Variants in NFASC observed in about 807,000 individuals in gnomAD.
NFASC encodes neurofascin.
NFASC carries 43 observed loss-of-function variants against 147.5 expected under a neutral mutation model. The observed-to-expected ratio is 0.29, with a 90% confidence interval of 0.23 to 0.38. The LOEUF (loss-of-function observed/expected upper bound fraction) is 0.38, where lower values mean the gene tolerates loss of function less well. Ranked by LOEUF, NFASC falls within the 10% of genes least tolerant of loss-of-function variation. The probability of loss-of-function intolerance (pLI) is 1.00; values close to 1 mark genes in which losing one functional copy is unlikely to be tolerated. For missense variants in NFASC, 1,320 were observed against 1,689.0 expected, an observed-to-expected ratio of 0.78 and a Z score of 3.83; for synonymous variants, 622 against 665.5, an observed-to-expected ratio of 0.93 and a Z score of 1.01.
intron 1 of NFASC, among the ~76,000 whole-genome samples, chr1:204,911,762 T>G (rs2087572515): frequency 6.6e-6 from 1 of 152,126 alleles, no homozygotes. Context: ...GGCCTGAAGG[T>G]TTCCTTTTTT....
At chr1:204,895,482 A>G (rs904747327) in intron 1 of NFASC, among the ~76,000 whole-genome samples, 2 of 152,216 alleles carry the variant, frequency 1.3e-5, no homozygotes, top group African/African-American at 4.8e-5. Context: ...ACTACTGCCT[A>G]ATAGAGGATG....
At chr1:204,898,690 T>A (rs1215169741) in intron 1 of NFASC, among the ~76,000 whole-genome samples, 1 of 152,190 alleles carries the variant, frequency 6.6e-6, no homozygotes, top group Non-Finnish European at 1.5e-5. Context: ...AGAGACCCAG[T>A]GCAGCCTCGT....
In NFASC at chr1:204,979,183, G is replaced by C; in HGVS notation, c.1978+114G>C. On this transcript the variant is annotated intron_variant, in intron 18 of 29. Transcript: ENST00000339876. This position sits in a 1 kb window ranked among gnomAD's most constrained non-coding sequence, Gnocchi z 6.0. Reference sequence around the variant, plus strand: ...CTGCCTCGCTTGATGTGTGTCCTGGGCTAACCTCAGAATGTACAGAGGCCT... The same window carrying C: ...CTGCCTCGCTTGATGTGTGTCCTGGCCTAACCTCAGAATGTACAGAGGCCT... The C allele has an allele frequency of 2.0e-6, 2 of 1,010,576 alleles. No individual in the cohort carries two copies. The highest frequency in any genetic ancestry group is 3.0e-6 in the Non-Finnish European group (2 of 671,928). 62.6% of individuals were successfully genotyped at this position (1,010,576 alleles called of 1,614,324 possible). A position where few individuals can be genotyped will look rare whatever the true frequency, so the allele number is the denominator to read the frequency against.
At position 205,010,039 on chromosome 1, in the gene NFASC, G is replaced by T. The variant is rs1427330526; in HGVS notation, c.3421+351G>T. ...ATCTCATTAGGATCCTGTGTCCCAG[G>T]GAAGGAGAAAGGAAGAGAGGCATTT... On this transcript the variant is annotated intron_variant, in intron 28 of 29. Coordinates refer to ENST00000339876, the MANE Select transcript of NFASC (RefSeq NM_001005388.3). This position sits in a 1 kb window ranked among gnomAD's most constrained non-coding sequence, Gnocchi z 4.1. 2 of 245,588 alleles carry T rather than the reference G, an allele frequency of 8.1e-6. No individual in the cohort carries two copies. Among genetic ancestry groups the T allele is most frequent in the African/African-American group, 2.2e-5 (1 of 45,388 alleles). The allele number at this position is 245,588 out of a possible 1,614,324, so 15.2% of individuals were successfully genotyped here. A position where few individuals can be genotyped will look rare whatever the true frequency, so the allele number is the denominator to read the frequency against.
At position 204,987,501 on chromosome 1, in the gene NFASC, A is replaced by G. The variant is rs2095640889; in HGVS notation, c.2554A>G (p.Asn852Asp). 2 of 1,614,002 alleles carry G rather than the reference A, an allele frequency of 1.2e-6. No individual in the cohort carries two copies. ...NLEWDHPEHP[N>D]GIMIGYTLKY... ...GGAATGGGATCATCCTGAGCATCCA[A>G]ATGGGATCATGATTGGATACACTCT... The change falls in exon 22 of 30, where the codon AAT (asparagine) becomes GAT (aspartate). Residue 852 changes from asparagine to aspartate, a missense_variant. Asn to Asp is a conservative substitution (Grantham distance 23, BLOSUM62 1). Transcript: ENST00000339876. This position sits in a 1 kb window ranked among gnomAD's most constrained non-coding sequence, Gnocchi z 4.4.
chr1:204,897,566 A>G (rs1047540463), intron 1 of NFASC, among the ~76,000 whole-genome samples: 4 of 149,512 alleles, frequency 2.7e-5, no homozygotes, highest in African/African-American at 7.4e-5. Flanking sequence ...TCTAAAGCTT[A>G]TTTTCTTTTT....
intron 21 of NFASC, among the ~76,000 whole-genome samples, chr1:204,983,637 C>G (rs1005343947): frequency 6.6e-6 from 1 of 152,148 alleles, no homozygotes; most frequent in Non-Finnish European, 1.5e-5. Flanking sequence ...CCTGTTGGCA[C>G]CTGCTATTGG....
intron 7 of NFASC, 78 bp downstream of exon 7, chr1:204,955,029 T>G (rs1287804090): frequency 7.1e-6 from 11 of 1,548,454 alleles, no homozygotes; most frequent in Non-Finnish European, 9.7e-6. Flanking sequence ...GGGGAGGGGC[T>G]TGCCCAAGCT....
intron 21 of NFASC, among the ~76,000 whole-genome samples, chr1:204,983,709 C>T (rs1171540243): frequency 1.3e-5 from 2 of 152,118 alleles, no homozygotes; most frequent in African/African-American, 2.4e-5. Context: ...GCGAGGGCAG[C>T]CCCCCAGGAG....
chr1:204,906,721 T>C (rs575879294), intron 1 of NFASC, among the ~76,000 whole-genome samples: 52 of 152,076 alleles, frequency 3.4e-4, no homozygotes, highest in South Asian at 1.0e-3. Flanking sequence ...CTCGCTCTGT[T>C]GCCCAGGCTG....
chr1:204,995,739 A>G (rs2095834453), intron 24 of NFASC, among the ~76,000 whole-genome samples: 1 of 152,084 alleles, frequency 6.6e-6, no homozygotes. Flanking sequence ...AGGGAATGAA[A>G]GGGCTTTTGC....
At chr1:204,879,835 G>A (rs1027131999) in intron 1 of NFASC, among the ~76,000 whole-genome samples, 1 of 152,174 alleles carries the variant, frequency 6.6e-6, no homozygotes, top group African/African-American at 2.4e-5. Flanking sequence ...AGGGAGAAGA[G>A]CTGTGGGAAT....
intron 28 of NFASC, among the ~76,000 whole-genome samples, chr1:205,011,951 C>T (rs904962596): frequency 6.6e-5 from 10 of 152,240 alleles, no homozygotes; most frequent in Middle Eastern, 3.4e-3. Context: ...CGGTGGCAGG[C>T]GCCTATAATC....
At chr1:204,889,989 GT>G (rs1356861411) in intron 1 of NFASC, among the ~76,000 whole-genome samples, 1 of 152,180 alleles carries the variant, frequency 6.6e-6, no homozygotes, top group Non-Finnish European at 1.5e-5. Flanking sequence ...ATGAGAGGAT[GT>G]TTATTTCCTC....
At chr1:204,837,695 T>TG (rs1674157486) in intron 1 of NFASC, among the ~76,000 whole-genome samples, 1 of 151,934 alleles carries the variant, frequency 6.6e-6, no homozygotes, top group East Asian at 1.9e-4. Flanking sequence ...TGACCTGAGA[T>TG]ATTTTTCTCT....
intron 1 of NFASC, among the ~76,000 whole-genome samples, chr1:204,893,985 G>A (rs1325025464): frequency 6.6e-6 from 1 of 152,222 alleles, no homozygotes; most frequent in East Asian, 1.9e-4. Context: ...GGATGTAGGT[G>A]CTTTCAGATT....
At chr1:204,961,924 T>C (rs1558266034) in intron 8 of NFASC, among the ~76,000 whole-genome samples, 1 of 152,240 alleles carries the variant, frequency 6.6e-6, no homozygotes, top group Non-Finnish European at 1.5e-5. Flanking sequence ...GTGGGCTGTT[T>C]TGTGTTGCTT....
intron 1 of NFASC, among the ~76,000 whole-genome samples, chr1:204,894,963 A>G (rs555061569): frequency 2.0e-5 from 3 of 152,300 alleles, no homozygotes; most frequent in African/African-American, 4.8e-5. Context: ...TGCCTCCAAA[A>G]GAGACTTGAA....
At chr1:204,870,525 A>AG (rs2077518092) in intron 1 of NFASC, 1 of 236,500 alleles carries the variant, frequency 4.2e-6, no homozygotes, top group East Asian at 1.7e-4. Flanking sequence ...GAATCTTAAC[A>AG]GGGGGGTCTG....
Sources: gnomAD v4.1 joint callset for allele counts (sites outside exome capture counted in the v4.1 genomes callset) on GRCh38, gnomAD v4.1.1 for gene constraint, Gnocchi (gnomAD v3.1) non-coding constraint, MANE v1.5 for transcripts, NCBI Gene and HGNC (gene_info 2026-07-23, HGNC 2026-07-21) for gene names.